Variants in MAP4 observed in about 807,000 individuals in gnomAD.
The protein encoded by MAP4 is microtubule associated protein 4, also known as microtubule-associated protein 4.
MAP4 carries 76 observed loss-of-function variants against 170.2 expected under a neutral mutation model. That is an observed-to-expected ratio of 0.45 (90% CI 0.37 to 0.54). The LOEUF is 0.54. Among genes scored for constraint, MAP4 ranks in the 20% least tolerant of loss-of-function variants. The pLI, the probability that MAP4 is intolerant of heterozygous loss-of-function variation, is 0.00. For missense variants in MAP4, 2,506 were observed against 2,748.0 expected (o/e 0.91, Z 1.97); for synonymous variants, 909 against 994.5 (o/e 0.91, Z 1.62).
At chr3:47,876,137 T>TC (rs1170442908) in intron 11 of MAP4, among the ~76,000 whole-genome samples, 1 of 58,278 alleles carries the variant, frequency 1.7e-5, no homozygotes, top group Non-Finnish European at 3.2e-5. Flanking sequence ...TTTTTCTTTC[T>TC]TTTTTTTTTT....
chr3:47,883,517 A>G (rs558272017), intron 10 of MAP4, among the ~76,000 whole-genome samples: 1 of 152,292 alleles, frequency 6.6e-6, no homozygotes, highest in South Asian at 2.1e-4. Flanking sequence ...GAGCCACCAT[A>G]CCTGGCTATT....
intron 3 of MAP4, among the ~76,000 whole-genome samples, chr3:47,944,529 T>A (rs1288150790): frequency 1.3e-5 from 2 of 151,894 alleles, no homozygotes; most frequent in African/African-American, 4.8e-5. Context: ...AAAAATATAA[T>A]CCCCCATTTT....
intron 18 of MAP4, among the ~76,000 whole-genome samples, chr3:47,856,808 CCTG>C (rs1339820011): frequency 6.6e-6 from 1 of 152,242 alleles, no homozygotes; most frequent in African/African-American, 2.4e-5. Flanking sequence ...AGCCAGTGTG[CCTG>C]CTGCTACAGC....
intron 10 of MAP4, chr3:47,892,521 C>A (rs953738830): frequency 1.3e-6 from 2 of 1,490,904 alleles, no homozygotes; most frequent in Non-Finnish European, 1.8e-6. Context: ...TCCCTGCTTT[C>A]GCTCCTGGAG....
intron 1 of MAP4, among the ~76,000 whole-genome samples, chr3:48,084,374 T>C (rs978780878): frequency 3.5e-5 from 5 of 140,942 alleles, no homozygotes; most frequent in Non-Finnish European, 6.1e-5. Flanking sequence ...TGACAGAACA[T>C]GATCTCATCT....
chr3:47,914,051 C>T (rs1333500664), intron 8 of MAP4, among the ~76,000 whole-genome samples: 7 of 152,182 alleles, frequency 4.6e-5, no homozygotes, highest in African/African-American at 1.7e-4. Flanking sequence ...CAAGATTCTG[C>T]ATTTCTACCA....
chr3:48,062,714 G>A (rs909091776), intron 1 of MAP4, among the ~76,000 whole-genome samples: 6 of 151,604 alleles, frequency 4.0e-5, no homozygotes, highest in African/African-American at 1.2e-4. Flanking sequence ...CCTGAGGTTG[G>A]GAGTTCGAGA....
chr3:47,930,954 A>C (rs932270641), intron 3 of MAP4, among the ~76,000 whole-genome samples: 5 of 152,060 alleles, frequency 3.3e-5, no homozygotes, highest in African/African-American at 1.2e-4. Flanking sequence ...AAATTGGCTA[A>C]ATATTTCAAT....
chr3:47,922,475 G>A (rs1220317593), intron 4 of MAP4, among the ~76,000 whole-genome samples: 1 of 151,996 alleles, frequency 6.6e-6, no homozygotes, highest in East Asian at 1.9e-4. Context: ...AACACTCTGA[G>A]AGGTGAAAGT....
chr3:48,060,700 G>A (rs1031313856), intron 1 of MAP4, among the ~76,000 whole-genome samples: 4 of 151,312 alleles, frequency 2.6e-5, no homozygotes, highest in African/African-American at 9.7e-5. Context: ...GATCACAGGA[G>A]CCCAGGAGTT....
chr3:47,897,939 A>G (rs530507299), intron 10 of MAP4, among the ~76,000 whole-genome samples: 1 of 132,484 alleles, frequency 7.5e-6, no homozygotes, highest in South Asian at 2.2e-4. Flanking sequence ...GAGACTCCAT[A>G]TCGGGGGGGG....
At chr3:48,058,027 T>C (rs2100133187) in intron 1 of MAP4, among the ~76,000 whole-genome samples, 2 of 152,328 alleles carry the variant, frequency 1.3e-5, no homozygotes, top group South Asian at 4.1e-4. Context: ...CTAGAACATA[T>C]TAGACAATAA....
At chr3:48,035,189 T>C (rs1579429190) in intron 1 of MAP4, among the ~76,000 whole-genome samples, 1 of 90,782 alleles carries the variant, frequency 1.1e-5, no homozygotes, top group Admixed American at 1.4e-4. Flanking sequence ...CTGATTTGTA[T>C]GAAAAAAAAA....
intron 5 of MAP4, among the ~76,000 whole-genome samples, chr3:47,919,505 T>C (rs2100041628): frequency 6.6e-6 from 1 of 150,924 alleles, no homozygotes; most frequent in African/African-American, 2.4e-5. Flanking sequence ...AGATGGGGTG[T>C]CACTATGTTG....
chr3:48,055,811 C>T (rs1325204058), intron 1 of MAP4, among the ~76,000 whole-genome samples: 1 of 140,194 alleles, frequency 7.1e-6, no homozygotes, highest in African/African-American at 2.6e-5. Context: ...GCGTCTCTGC[C>T]CGGCCGCCCA....
chr3:47,862,868 T>C (rs1253085081), intron 17 of MAP4, among the ~76,000 whole-genome samples: 1 of 152,178 alleles, frequency 6.6e-6, no homozygotes, highest in Non-Finnish European at 1.5e-5. Flanking sequence ...AGACTGCTCA[T>C]GTAGATAGTA....
At chr3:47,980,896 G>C (rs550556463) in intron 2 of MAP4, among the ~76,000 whole-genome samples, 1 of 152,158 alleles carries the variant, frequency 6.6e-6, no homozygotes, top group Non-Finnish European at 1.5e-5. Context: ...GATATCCAGC[G>C]AGTGGTATAA....
At chr3:48,077,567 T>G (rs535862458) in intron 1 of MAP4, among the ~76,000 whole-genome samples, 1 of 151,246 alleles carries the variant, frequency 6.6e-6, no homozygotes, top group African/African-American at 2.4e-5. Flanking sequence ...CTTGAATTGC[T>G]GGGCTCAAGC....
chr3:47,889,122 G>A (rs922984470), intron 10 of MAP4, among the ~76,000 whole-genome samples: 2 of 152,204 alleles, frequency 1.3e-5, no homozygotes, highest in Non-Finnish European at 2.9e-5. Flanking sequence ...AGATGACAGA[G>A]GAAATACAGA....
Sources: gnomAD v4.1 joint callset for allele counts (sites outside exome capture counted in the v4.1 genomes callset) on GRCh38, gnomAD v4.1.1 for gene constraint, MANE v1.5 for transcripts, NCBI Gene and HGNC (gene_info 2026-07-23, HGNC 2026-07-21) for gene names.